The following BST1 variants were observed in gnomAD, a reference collection of about 807,000 sequenced individuals.
BST1 encodes ADP-ribosyl cyclase/cyclic ADP-ribose hydrolase 2.
In BST1, 49 loss-of-function variants were observed where a neutral mutation model predicts 40.6. The ratio of observed to expected loss-of-function variants is 1.21; its 90% confidence interval spans 0.96 to 1.53. The LOEUF (loss-of-function observed/expected upper bound fraction) is 1.53. Among genes scored for constraint, BST1 ranks in the 40% most tolerant of loss-of-function variants. The pLI is 0.00. For missense variants in BST1, 423 were observed against 395.9 expected, an observed-to-expected ratio of 1.07 and a Z score of -0.58; for synonymous variants, 157 against 159.3, an observed-to-expected ratio of 0.99 and a Z score of 0.11.
At chr4:15,715,861 G>C in intron 6 of BST1, 62 bp downstream of exon 6, 1 of 1,232,670 alleles carries the variant, frequency 8.1e-7, no homozygotes, top group Non-Finnish European at 1.1e-6. Flanking sequence ...TATATAATAT[G>C]ATAAAGTTCG....
At chr4:15,729,929 G>T (rs1261370034) in intron 8 of BST1, among the ~76,000 whole-genome samples, 1 of 152,140 alleles carries the variant, frequency 6.6e-6, no homozygotes, top group Non-Finnish European at 1.5e-5. Context: ...AAAAGATGAA[G>T]GGAGGCTGTC....
rs1240279216 is a variant in BST1, at chr4:15,731,743, A to G, written c.855A>G (p.Ala285=). 2 of 1,611,852 alleles carry G rather than the reference A, an allele frequency of 1.2e-6. No homozygotes were observed. Among genetic ancestry groups the G allele is most frequent in the South Asian group, 2.2e-5 (2 of 90,450 alleles). ...STHPDCALKS[A]AAATQRKAPS... The stretch of plus-strand genomic sequence containing the variant: ...CTATTTCCTTGTTAATTTGCAGGGC[A>G]GCAGCCGCTACTCAAAGAAAAGCCC... Residue 285 remains alanine (A), a synonymous_variant, in exon 9 of 9, where the codon GCA becomes GCG. Coordinates refer to ENST00000265016, the MANE Select transcript of BST1 (RefSeq NM_004334.3).
At chr4:15,761,347 G>A in the BST1 span, among the ~76,000 whole-genome samples, 5,532 of 151,830 alleles carry the variant, frequency 0.036, 396 homozygotes, top group African/African-American at 0.12. Context: ...CTTTTTTTGC[G>A]TTGTCCTGTG....
At chr4:15,763,230 C>A in the BST1 span, among the ~76,000 whole-genome samples, 1 of 151,450 alleles carries the variant, frequency 6.6e-6, no homozygotes, top group African/African-American at 2.4e-5. Flanking sequence ...AATTAAAATG[C>A]TATTTCAGAA....
At chr4:15,766,856 A>T in the BST1 span, among the ~76,000 whole-genome samples, 1 of 149,970 alleles carries the variant, frequency 6.7e-6, no homozygotes, top group Non-Finnish European at 1.5e-5. Context: ...TCCTGGTGAC[A>T]CTCAAAGCCT....
chr4:15,735,983 A>G (rs901016241), downstream of BST1: 25 of 945,502 alleles, frequency 2.6e-5, no homozygotes, highest in African/African-American at 4.0e-4. Context: ...GGCAAATCTC[A>G]TCTGTCATAC....
the BST1 span, among the ~76,000 whole-genome samples, chr4:15,769,668 C>A: frequency 0.059 from 8,953 of 151,418 alleles, 402 homozygotes; most frequent in African/African-American, 0.13. Context: ...TTCTCTCTCT[C>A]TATATATATA....
chr4:15,707,597 T>A lies in BST1; in HGVS notation c.402T>A (p.Tyr134Ter). The A allele has an allele frequency of 6.2e-7, 1 of 1,614,134 alleles. No individual in the cohort carries two copies. Among genetic ancestry groups the A allele is most frequent in the Non-Finnish European group, 8.5e-7 (1 of 1,180,004 alleles). The change falls in exon 3 of 9, where the codon TAT (tyrosine) becomes TAA (stop). Residue 134 changes from tyrosine to a stop codon, truncating the protein, a stop_gained. Transcript: ENST00000265016. LOFTEE classifies it high-confidence loss of function. Reference sequence around the variant, plus strand: ...TTATGCCCCTGAGCGATGTTCTGTATGGCAGGGTTGCAGATTTCTTGAGCT... The same window carrying A: ...TTATGCCCCTGAGCGATGTTCTGTAAGGCAGGGTTGCAGATTTCTTGAGCT... ...RRFMPLSDVL[Y>*]GRVADFLSWC...
intron 4 of BST1, 79 bp downstream of exon 4, chr4:15,711,968 C>A: frequency 1.6e-6 from 2 of 1,264,336 alleles, no homozygotes; most frequent in Non-Finnish European, 2.3e-6. Context: ...AGAGTCTGGG[C>A]CCCAGGTCAT....
At chr4:15,708,215 G>C (rs1197690772) in intron 3 of BST1, among the ~76,000 whole-genome samples, 1 of 152,092 alleles carries the variant, frequency 6.6e-6, no homozygotes, top group African/African-American at 2.4e-5. Flanking sequence ...TGAAGCCTGT[G>C]CTCTGTAACA....
chr4:15,726,208 G>A (rs796353024), intron 8 of BST1, among the ~76,000 whole-genome samples: 4 of 142,406 alleles, frequency 2.8e-5, no homozygotes, highest in African/African-American at 1.1e-4. Flanking sequence ...ATTCTTTAGC[G>A]CCTCCCACCT....
chr4:15,744,129 C>G, the BST1 span, among the ~76,000 whole-genome samples: 1 of 152,170 alleles, frequency 6.6e-6, no homozygotes, highest in East Asian at 1.9e-4. Flanking sequence ...AAGACTTACA[C>G]CGAAAGCTGA....
chr4:15,731,462 A>T, intron 8 of BST1: 1 of 836,806 alleles, frequency 1.2e-6, no homozygotes, highest in East Asian at 3.3e-5. Context: ...GAGTGGACTT[A>T]AGCCTGACGG....
chr4:15,769,259 T>C, the BST1 span, among the ~76,000 whole-genome samples: 1 of 152,214 alleles, frequency 6.6e-6, no homozygotes, highest in Non-Finnish European at 1.5e-5. Flanking sequence ...GTTTGAACTG[T>C]GGGAGAAGGA....
chr4:15,770,317 C>T, the BST1 span, among the ~76,000 whole-genome samples: 1 of 152,310 alleles, frequency 6.6e-6, no homozygotes, highest in Admixed American at 6.5e-5. Flanking sequence ...GTTCTCCCCG[C>T]CGTTCTGTTT....
chr4:15,768,976 A>C, the BST1 span, among the ~76,000 whole-genome samples: 1 of 152,178 alleles, frequency 6.6e-6, no homozygotes, highest in Non-Finnish European at 1.5e-5. Flanking sequence ...TCACATTTAC[A>C]ATATGAAAAT....
chr4:15,752,741 C>T, the BST1 span, among the ~76,000 whole-genome samples: 5 of 152,010 alleles, frequency 3.3e-5, no homozygotes, highest in Admixed American at 6.6e-5. Context: ...ATTTGAGGAA[C>T]GGCAAGGAGG....
In BST1 at chr4:15,732,576, C is replaced by A. The variant is rs1217729716; in HGVS notation, c.*731C>A. 2.0e-5 allele frequency: 3 copies of A among 152,202 alleles called. No homozygotes were observed. The allele number at this position is 152,202 out of a possible 1,614,324, so 9.4% of individuals were successfully genotyped here. On this transcript the variant is annotated 3_prime_UTR_variant, in exon 9 of 9. Coordinates refer to ENST00000265016, the MANE Select transcript of BST1 (RefSeq NM_004334.3). Reference sequence around the variant, plus strand: ...CAGGTGATCCACCCACCTCAGCCTCCCAAAGTGCTAGGATTACAGGCGTGA... The same window carrying A: ...CAGGTGATCCACCCACCTCAGCCTCACAAAGTGCTAGGATTACAGGCGTGA...
rs761484567 is a variant in BST1 at position 15,715,754 on chromosome 4, C to T, written c.659C>T (p.Thr220Ile). 1.2e-6 allele frequency: 2 copies of T among 1,600,742 alleles called. No homozygotes were observed. The highest frequency in any genetic ancestry group is 8.5e-7 in the Non-Finnish European group (1 of 1,176,058). The change falls in exon 6 of 9, where the codon ACA (threonine) becomes ATA (isoleucine). Residue 220 changes from threonine to isoleucine, a missense_variant. Thr to Ile is a moderately conservative substitution (Grantham distance 89). Transcript: ENST00000265016. ...CCAAACCTCCAGAAGGAAAAAATTA[C>T]ACGAATCGAGATCTGGGTTATGCAT... is the stretch of plus-strand genomic sequence containing the variant. ...EIPNLQKEKI[T>I]RIEIWVMHEI...
Sources: allele counts gnomAD v4.1 joint callset (sites outside exome capture counted in the v4.1 genomes callset), GRCh38; gene constraint gnomAD v4.1.1; transcripts MANE v1.5; gene names NCBI Gene and HGNC (gene_info 2026-07-23, HGNC 2026-07-21).